ADCY2: variants seen among roughly 807,000 people sequenced by gnomAD.
ADCY2 encodes the protein adenylate cyclase type 2.
Under a neutral mutation model 125.2 loss-of-function variants are expected in ADCY2, and 31 were observed. The ratio of observed to expected loss-of-function variants is 0.25; its 90% confidence interval spans 0.19 to 0.33. The LOEUF (loss-of-function observed/expected upper bound fraction) is 0.33. Ranked by LOEUF, ADCY2 falls within the 10% of genes least tolerant of loss-of-function variation. The pLI, the probability that ADCY2 is intolerant of heterozygous loss-of-function variation, is 1.00. For synonymous variants in ADCY2, 512 were observed against 548.4 expected, an observed-to-expected ratio of 0.93 and a Z score of 0.93; for missense variants, 904 against 1,418.2, an observed-to-expected ratio of 0.64 and a Z score of 5.82.
chr5:7,423,065 T>TA (rs1740270243), intron 2 of ADCY2, among the ~76,000 whole-genome samples: 1 of 152,196 alleles, frequency 6.6e-6, no homozygotes, highest in Non-Finnish European at 1.5e-5. Flanking sequence ...CATTTGGACT[T>TA]ACTATGAAGA....
At position 7,560,800 on chromosome 5, in the gene ADCY2, T is replaced by C. The variant is rs555161589; in HGVS notation, c.570+39901T>C. Among the ~76,000 whole-genome samples, 30 of 152,178 alleles carry C rather than the reference T, an allele frequency of 2.0e-4. No individual in the cohort carries two copies. The South Asian group carries it at 6.3e-3, about 32-fold the overall frequency. On this transcript the variant is annotated intron_variant, in intron 3 of 24. Coordinates refer to ENST00000338316, the MANE Select transcript of ADCY2 (RefSeq NM_020546.3). ...ACCTCCGAGATTCAAGCGATTCTCC[T>C]GTCTCAGCCTCCTGAGTAGCCAAGA...
At chr5:7,739,955 T>C (rs1742362886) in intron 14 of ADCY2, among the ~76,000 whole-genome samples, 1 of 151,998 alleles carries the variant, frequency 6.6e-6, no homozygotes, top group Non-Finnish European at 1.5e-5. Context: ...AGATTATTTG[T>C]GTGTGAATTC....
intron 3 of ADCY2, among the ~76,000 whole-genome samples, chr5:7,623,420 A>G (rs990766771): frequency 6.6e-6 from 1 of 152,188 alleles, no homozygotes; most frequent in African/African-American, 2.4e-5. Context: ...CAGCAATGAC[A>G]AGGTCTGAAG....
chr5:7,422,463 C>T (rs1740240076), intron 2 of ADCY2, among the ~76,000 whole-genome samples: 1 of 152,050 alleles, frequency 6.6e-6, no homozygotes, highest in African/African-American at 2.4e-5. Context: ...GTCTTCTGCT[C>T]ATTCATGGGC....
rs370437502 is a variant in ADCY2 at position 7,659,238 on chromosome 5, A to G, written c.721-31453A>G. Among the ~76,000 whole-genome samples the G allele has an allele frequency of 5.3e-5, 8 of 152,352 alleles. No homozygotes were observed. The East Asian group carries it at 1.3e-3, about 26-fold the overall frequency. The stretch of plus-strand genomic sequence containing the variant: ...TCCTTATTCTGCAGCTGTTCACTCT[A>G]TTCAATCCAGTTCCAGTTAAATAAT... On this transcript the variant is annotated intron_variant, in intron 4 of 24. Coordinates refer to ENST00000338316, the MANE Select transcript of ADCY2 (RefSeq NM_020546.3).
chr5:7,748,114 C>T (rs1742686259), intron 15 of ADCY2, among the ~76,000 whole-genome samples: 1 of 152,136 alleles, frequency 6.6e-6, no homozygotes, highest in Non-Finnish European at 1.5e-5. Flanking sequence ...CAGGTGCCTT[C>T]CTAGGCCCAT....
Position 7,802,097 on chromosome 5 carries a change from T to C in ADCY2, c.2629-121T>C. On this transcript the variant is annotated intron_variant, in intron 20 of 24. Transcript: ENST00000338316. The surrounding 1 kb of genome is among the most constrained non-coding windows in gnomAD (Gnocchi z 4.6). ...TGGGCCGCGGCTGGGGTGGGGCAAG[T>C]GGAGTAGGCATTTGGGCGATGTCTG... The C allele has an allele frequency of 8.6e-7, 1 of 1,156,666 alleles. No homozygotes were observed. Among genetic ancestry groups the C allele is most frequent in the Non-Finnish European group, 1.2e-6 (1 of 822,070 alleles). 71.7% of individuals were successfully genotyped at this position (1,156,666 alleles called of 1,614,324 possible). A position where few individuals can be genotyped will look rare whatever the true frequency, so the allele number is the denominator to read the frequency against.
At chr5:7,680,685 T>C (rs1275014565) in intron 4 of ADCY2, among the ~76,000 whole-genome samples, 1 of 152,218 alleles carries the variant, frequency 6.6e-6, no homozygotes, top group East Asian at 1.9e-4. Flanking sequence ...GCATTACATA[T>C]ATAAAGTAAA....
chr5:7,810,305 C>T (rs1744894736), intron 22 of ADCY2, among the ~76,000 whole-genome samples: 1 of 151,858 alleles, frequency 6.6e-6, no homozygotes, highest in African/African-American at 2.4e-5. Flanking sequence ...GGGTTATCTA[C>T]CTGATTGGTG....
intron 3 of ADCY2, among the ~76,000 whole-genome samples, chr5:7,618,395 G>A (rs557305113): frequency 6.6e-6 from 1 of 152,264 alleles, no homozygotes; most frequent in East Asian, 1.9e-4. Context: ...TTGAAAATGT[G>A]ATAGCAATGC....
chr5:7,611,948 A>C (rs745785032), intron 3 of ADCY2, among the ~76,000 whole-genome samples: 1 of 152,198 alleles, frequency 6.6e-6, no homozygotes, highest in Non-Finnish European at 1.5e-5. Context: ...TTCTTGTACT[A>C]TCCAGTGCCT....
intron 18 of ADCY2, among the ~76,000 whole-genome samples, chr5:7,783,309 G>A (rs1743976092): frequency 6.6e-6 from 1 of 152,152 alleles, no homozygotes; most frequent in Admixed American, 6.5e-5. Context: ...CTCTGTGCCA[G>A]GGATATAAGT....
chr5:7,419,925 C>T (rs1740127364), intron 2 of ADCY2, among the ~76,000 whole-genome samples: 2 of 152,132 alleles, frequency 1.3e-5, no homozygotes. Context: ...ACCATCCTAC[C>T]CCAGCTTTCC....
At chr5:7,491,624 A>G (rs1743168298) in intron 2 of ADCY2, among the ~76,000 whole-genome samples, 1 of 152,182 alleles carries the variant, frequency 6.6e-6, no homozygotes. Context: ...TAATTTTGGT[A>G]GATAATTTAG....
intron 3 of ADCY2, among the ~76,000 whole-genome samples, chr5:7,560,316 T>A (rs1735668838): frequency 6.6e-6 from 1 of 152,226 alleles, no homozygotes; most frequent in Admixed American, 6.5e-5. Flanking sequence ...GGTGTGGTAC[T>A]GTGTGGTGTG....
chr5:7,525,655 ATG>A (rs34875401), intron 3 of ADCY2, among the ~76,000 whole-genome samples: 27,930 of 150,580 alleles, frequency 0.19, 2,957 homozygotes, highest in Non-Finnish European at 0.25. Flanking sequence ...TACATTATAG[ATG>A]TGTGTGTGTG....
intron 3 of ADCY2, among the ~76,000 whole-genome samples, chr5:7,564,408 A>G (rs143640544): frequency 1.7e-3 from 255 of 152,308 alleles, no homozygotes; most frequent in African/African-American, 5.8e-3. Flanking sequence ...ACCATGGCCT[A>G]CTACAGGGTT....
chr5:7,502,562 C>G (rs1470210478), intron 2 of ADCY2, among the ~76,000 whole-genome samples: 2 of 152,122 alleles, frequency 1.3e-5, no homozygotes, highest in African/African-American at 4.8e-5. Flanking sequence ...GCCGATGATA[C>G]CAAGAGAAAG....
chr5:7,596,543 G>A (rs1737011228), intron 3 of ADCY2, among the ~76,000 whole-genome samples: 1 of 152,172 alleles, frequency 6.6e-6, no homozygotes, highest in Non-Finnish European at 1.5e-5. Flanking sequence ...CAAGTGAGTG[G>A]GTGGCTGAGC....
Sources: allele counts gnomAD v4.1 joint callset (sites outside exome capture counted in the v4.1 genomes callset), GRCh38; gene constraint gnomAD v4.1.1; non-coding constraint Gnocchi (gnomAD v3.1); transcripts MANE v1.5; gene names NCBI Gene and HGNC (gene_info 2026-07-23, HGNC 2026-07-21).